The following MAP2 variants were observed in gnomAD, a reference collection of about 807,000 sequenced individuals.
The protein encoded by MAP2 is microtubule-associated protein 2.
A neutral mutation model predicts 137.6 loss-of-function variants in MAP2; 14 were observed. The observed-to-expected ratio is 0.10, with a 90% CI of 0.07 to 0.16. The LOEUF (loss-of-function observed/expected upper bound fraction) is 0.16, where lower values mean the gene tolerates loss of function less well. Ranked by LOEUF, MAP2 falls within the 10% of genes least tolerant of loss-of-function variation. The probability of loss-of-function intolerance (pLI) is 1.00; values close to 1 mark genes in which losing one functional copy is unlikely to be tolerated. For missense variants in MAP2, 2,088 were observed against 2,191.5 expected, an observed-to-expected ratio of 0.95 and a Z score of 0.94; for synonymous variants, 786 against 782.3, an observed-to-expected ratio of 1.00 and a Z score of -0.08.
At chr2:209,523,356 T>C (rs559987679) in intron 2 of MAP2, among the ~76,000 whole-genome samples, 86 of 152,306 alleles carry the variant, frequency 5.6e-4, no homozygotes, top group African/African-American at 1.9e-3. Flanking sequence ...TTGCTTGATA[T>C]AATTTTAGTG....
chr2:209,548,862 T>C (rs2068606749), intron 2 of MAP2, among the ~76,000 whole-genome samples: 1 of 152,164 alleles, frequency 6.6e-6, no homozygotes, highest in African/African-American at 2.4e-5. Context: ...CCTTCCACCA[T>C]GCTTGCAAGT....
rs777899876 is a variant in MAP2, at chr2:209,695,888, G to C, written c.3718G>C (p.Glu1240Gln). 2.1e-5 allele frequency: 34 copies of C among 1,614,002 alleles called. No individual in the cohort carries two copies. The South Asian group carries it at 3.7e-4, about 18-fold the overall frequency. The change falls in exon 8 of 16, where the codon GAA (glutamate) becomes CAA (glutamine). Residue 1240 changes from glutamate to glutamine, a missense_variant. Glu to Gln is a conservative substitution (Grantham distance 29, BLOSUM62 2). Around this residue, in one of 6 missense-constraint regions of MAP2, gnomAD observed 591 missense variants for 642.6 expected, o/e 0.92. Transcript: ENST00000682079. ...GATTCAGAGTGAGGAAGAAGAGATA[G>C]AAGCCCAGGGAGAATATGATAAACT... ...AEIQSEEEEI[E>Q]AQGEYDKLLF...
chr2:209,457,012 T>G (rs1478650062), intron 1 of MAP2, among the ~76,000 whole-genome samples: 2 of 152,146 alleles, frequency 1.3e-5, no homozygotes, highest in East Asian at 3.8e-4. Flanking sequence ...TCAAAAGAAA[T>G]TAGGTGGATC....
At chr2:209,662,630 T>G (rs2044186350) in intron 5 of MAP2, among the ~76,000 whole-genome samples, 3 of 152,140 alleles carry the variant, frequency 2.0e-5, no homozygotes, top group Non-Finnish European at 4.4e-5. Context: ...TTTCAATTTT[T>G]TTGAGATTTA....
chr2:209,548,461 A>T lies in MAP2; in HGVS notation c.-171-31575A>T, dbSNP rs11884652. Among the ~76,000 whole-genome samples the T allele has an allele frequency of 9.1e-3, 1,385 of 152,290 alleles. 22 individuals are homozygous for T. Among genetic ancestry groups the T allele is most frequent in the African/African-American group, 0.032 (1,338 of 41,568 alleles). On this transcript the variant is annotated intron_variant, in intron 2 of 15. Coordinates refer to ENST00000682079, the MANE Select transcript of MAP2 (RefSeq NM_001375505.1). ...CTTTGCTAAACAAATAGCAGAGCTT[A>T]TGCTCTTAGCTGGATCCACACATAA...
intron 13 of MAP2, among the ~76,000 whole-genome samples, chr2:209,714,369 T>C (rs929311523): frequency 5.9e-5 from 9 of 152,360 alleles, no homozygotes; most frequent in African/African-American, 1.7e-4. Flanking sequence ...GTGGATCTGA[T>C]TGATTGCCTC....
At position 209,693,968 on chromosome 2, in the gene MAP2, G is replaced by C; in HGVS notation, c.1798G>C (p.Glu600Gln). ...SDYYELSDTR[E>Q]SVHESIDTMS... The stretch of plus-strand genomic sequence containing the variant: ...TTACTATGAACTGAGTGACACTAGA[G>C]AAAGTGTCCATGAGTCTATTGATAC... Residue 600 changes from glutamate (E) to glutamine (Q), a missense_variant, in exon 8 of 16, where the codon GAA (glutamate) becomes CAA (glutamine). Physicochemically the swap from Glu to Gln is conservative, Grantham distance 29. Coordinates refer to ENST00000682079, the MANE Select transcript of MAP2 (RefSeq NM_001375505.1). The C allele has an allele frequency of 6.2e-7, 1 of 1,613,934 alleles. No individual in the cohort carries two copies. The highest frequency in any genetic ancestry group is 8.5e-7 in the Non-Finnish European group (1 of 1,179,956).
chr2:209,616,984 T>G (rs574609817), intron 3 of MAP2, among the ~76,000 whole-genome samples: 1 of 152,174 alleles, frequency 6.6e-6, no homozygotes, highest in African/African-American at 2.4e-5. Context: ...ATGGCCTCTG[T>G]GCAACATTCC....
rs376603789 is a variant in MAP2, at chr2:209,694,285, G to A, written c.2115G>A (p.Pro705=). ...AAAGAAGCATGTCAATCAATTTGCC[G>A]ATGTCTTGCCTAGATTCCATAGCCC... ...IEQRSMSINL[P]MSCLDSIALG... Residue 705 remains proline (P), a synonymous_variant, in exon 8 of 16, where the codon CCG becomes CCA. Transcript: ENST00000682079. The A allele has an allele frequency of 1.5e-5, 25 of 1,613,994 alleles. No individual in the cohort carries two copies. The highest frequency in any genetic ancestry group is 7.7e-5 in the South Asian group (7 of 91,080).
chr2:209,555,022 G>A (rs2070220187), intron 2 of MAP2, among the ~76,000 whole-genome samples: 1 of 150,404 alleles, frequency 6.6e-6, no homozygotes, highest in African/African-American at 2.4e-5. Flanking sequence ...AGAATTTTAG[G>A]GGAGGCATCG....
chr2:209,436,011 T>G, intron 1 of MAP2, among the ~76,000 whole-genome samples: 1 of 61,572 alleles, frequency 1.6e-5, no homozygotes, highest in Non-Finnish European at 2.7e-5. Context: ...ATATACAGTA[T>G]ATATTATATA....
intron 1 of MAP2, among the ~76,000 whole-genome samples, chr2:209,429,053 A>T (rs536494192): frequency 2.0e-5 from 3 of 151,996 alleles, no homozygotes; most frequent in Admixed American, 2.0e-4. Context: ...CCCCGGGTTC[A>T]CGCCATTCTC....
intron 13 of MAP2, among the ~76,000 whole-genome samples, chr2:209,718,313 G>A (rs1483108674): frequency 6.6e-6 from 1 of 151,986 alleles, no homozygotes; most frequent in African/African-American, 2.4e-5. Context: ...AGATAACTGA[G>A]CAGACTATTT....
At chr2:209,609,483 A>G (rs548524842) in intron 3 of MAP2, among the ~76,000 whole-genome samples, 70 of 152,290 alleles carry the variant, frequency 4.6e-4, no homozygotes, top group African/African-American at 1.6e-3. Context: ...GAAACCCATC[A>G]GCAGTCACTC....
In MAP2 at chr2:209,559,689, G is replaced by T. The variant is rs545892631; in HGVS notation, c.-171-20347G>T. Among the ~76,000 whole-genome samples the T allele has an allele frequency of 6.6e-5, 10 of 151,750 alleles. No homozygotes were observed. In the East Asian group the frequency reaches 1.6e-3, roughly 24 times the overall value. ...GAAAAACCAAATTTGGCCACTGGGA[G>T]CCCCACCAAGACAGTAGTGGTGTCC... On this transcript the variant is annotated intron_variant, in intron 2 of 15. Coordinates refer to ENST00000682079, the MANE Select transcript of MAP2 (RefSeq NM_001375505.1).
chr2:209,644,038 A>T (rs534205945), intron 4 of MAP2, among the ~76,000 whole-genome samples: 11 of 152,172 alleles, frequency 7.2e-5, no homozygotes, highest in East Asian at 1.9e-4. Context: ...TCAAATGTCA[A>T]TGTATCAGAG....
At chr2:209,687,287 T>C (rs763362433) in intron 7 of MAP2, among the ~76,000 whole-genome samples, 55 of 151,478 alleles carry the variant, frequency 3.6e-4, no homozygotes, top group Non-Finnish European at 1.6e-4. Context: ...CTAATAACTT[T>C]CTTCTTTTTA....
At chr2:209,611,293 G>A (rs2086775206) in intron 3 of MAP2, among the ~76,000 whole-genome samples, 1 of 151,950 alleles carries the variant, frequency 6.6e-6, no homozygotes, top group African/African-American at 2.4e-5. Flanking sequence ...CAGAATCCCT[G>A]GAATAGAACT....
chr2:209,722,557 A>G (rs1317941851), intron 13 of MAP2, among the ~76,000 whole-genome samples: 1 of 152,100 alleles, frequency 6.6e-6, no homozygotes, highest in African/African-American at 2.4e-5. Flanking sequence ...GGAAGAGAAG[A>G]GAGTAGAAGT....
Sources: allele counts gnomAD v4.1 joint callset (sites outside exome capture counted in the v4.1 genomes callset), GRCh38; gene constraint gnomAD v4.1.1; regional missense constraint gnomAD v4.1.1; transcripts MANE v1.5; gene names NCBI Gene and HGNC (gene_info 2026-07-23, HGNC 2026-07-21).